Variants in NUBP2 observed in about 807,000 individuals in gnomAD.
NUBP2 encodes the protein NUBP iron-sulfur cluster assembly factor 2, cytosolic.
In NUBP2, 23 loss-of-function variants were observed where a neutral mutation model predicts 24.9. The ratio of observed to expected loss-of-function variants is 0.92; its 90% CI spans 0.66 to 1.31. The LOEUF is 1.31. Ranked by LOEUF, NUBP2 falls within the 50% of genes most tolerant of loss-of-function variation. The pLI is 0.00. For missense variants in NUBP2, 403 were observed against 386.5 expected, an observed-to-expected ratio of 1.04 and a Z score of -0.36; for synonymous variants, 186 against 170.9, an observed-to-expected ratio of 1.09 and a Z score of -0.69.
chr16:1,787,615 G>A, intron 3 of NUBP2, 62 bp from the exon 4 acceptor site: 2 of 1,583,034 alleles, frequency 1.3e-6, no homozygotes, highest in Non-Finnish European at 1.7e-6. Flanking sequence ...GTTCTTAGTG[G>A]CGCAGGGCCA....
At position 1,787,702 on chromosome 16, in the gene NUBP2, C is replaced by T. The variant is rs144662267; in HGVS notation, c.360C>T (p.Asp120=). ...CGCTGATAAAGCAGTTTGTGTCCGA[C>T]GTGGCCTGGGGGGAGCTGGACTACC... ...KNALIKQFVS[D]VAWGELDYLV... is the part of the protein sequence containing the mutation. The change falls in exon 4 of 7, where the codon GAC becomes GAT. Residue 120 remains aspartate (D), a synonymous_variant. Transcript: ENST00000262302. 1.4e-5 allele frequency: 22 copies of T among 1,612,544 alleles called. No homozygotes were observed. The highest frequency in any genetic ancestry group is 8.0e-5 in the African/African-American group (6 of 74,930).
Position 1,789,018 on chromosome 16 carries a change from GCGCGGGACTTCTGCAGTC to G in NUBP2, c.*306_*323del. 1 of 394,618 alleles carries G rather than the reference GCGCGGGACTTCTGCAGTC, an allele frequency of 2.5e-6. No individual in the cohort carries two copies. The highest frequency in any genetic ancestry group is 4.6e-6 in the Non-Finnish European group (1 of 218,276). 24.4% of individuals were successfully genotyped at this position (394,618 alleles called of 1,614,324 possible). On this transcript the variant is annotated 3_prime_UTR_variant, in exon 7 of 7. Transcript: ENST00000262302. ...GCCGCGTGTCCACACAGTTAGCGGA[GCGCGGGACTTCTGCAGTC>G]CTCAGGTGACCCCGGGCCTCCAGCA...
chr16:1,784,237 G>T (rs1488935180), intron 1 of NUBP2, among the ~76,000 whole-genome samples: 1 of 151,852 alleles, frequency 6.6e-6, no homozygotes, highest in African/African-American at 2.4e-5. Flanking sequence ...ACCACAGGAT[G>T]CACCACCCCG....
rs937690636 is a variant in NUBP2, at chr16:1,788,312, G to A, written c.670+105G>A. 5.4e-5 allele frequency: 65 copies of A among 1,207,208 alleles called. No homozygotes were observed. In the South Asian group the frequency reaches 5.9e-4, roughly 11 times the overall value. The allele number at this position is 1,207,208 out of a possible 1,614,324, so 74.8% of individuals were successfully genotyped here. ...AGTGCCCAAGGGAGAGGAGGGGACG[G>A]GAGCGGTTTCCTCCTCTCTTCTCGG... On this transcript the variant is annotated intron_variant, in intron 6 of 6. Coordinates refer to ENST00000262302, the MANE Select transcript of NUBP2 (RefSeq NM_012225.4).
chr16:1,788,924 T>C lies in NUBP2; in HGVS notation c.*210T>C. 3.3e-6 allele frequency: 2 copies of C among 607,332 alleles called. No homozygotes were observed. Among genetic ancestry groups the C allele is most frequent in the East Asian group, 3.0e-5 (1 of 32,798 alleles). The allele number at this position is 607,332 out of a possible 1,614,324, so 37.6% of individuals were successfully genotyped here. A position where few individuals can be genotyped will look rare whatever the true frequency, so the allele number is the denominator to read the frequency against. ...GCCTGCAGTGCCGTGGTCTGCGTGC[T>C]CTGCAGCTGTGAGACGGGGGCGGCC... On this transcript the variant is annotated 3_prime_UTR_variant, in exon 7 of 7. Coordinates refer to ENST00000262302, the MANE Select transcript of NUBP2 (RefSeq NM_012225.4).
rs1041256350 is a variant in NUBP2, at chr16:1,786,806, T to C, written c.185T>C (p.Leu62Pro). Residue 62 changes from leucine (L) to proline (P), a missense_variant, in exon 3 of 7, where the codon CTC becomes CCC. Coordinates refer to ENST00000262302, the MANE Select transcript of NUBP2 (RefSeq NM_012225.4). ...DLCGPSIPRM[L>P]GAQGRAVHQC... is the part of the protein sequence containing the mutation. ...TGTGGCCCCAGTATCCCCCGCATGC[T>C]CGGGGCGCAGGGCAGGGCTGTGCAC... 1.2e-6 allele frequency: 2 copies of C among 1,609,924 alleles called. No individual in the cohort carries two copies. The highest frequency in any genetic ancestry group is 1.7e-6 in the Non-Finnish European group (2 of 1,178,140).
chr16:1,785,883 G>T, intron 1 of NUBP2: 1 of 1,288,430 alleles, frequency 7.8e-7, no homozygotes, highest in Non-Finnish European at 1.0e-6. Context: ...AAGGGGCATG[G>T]CCTCAGCGGT....
At position 1,783,004 on chromosome 16, in the gene NUBP2, C is replaced by G. The variant is rs964431170; in HGVS notation, c.-17C>G. On this transcript the variant is annotated 5_prime_UTR_variant, in exon 1 of 7. Transcript: ENST00000262302. ...GGCGTAAGCGGACTGCAGCCGCGAG[C>G]TCCTGGAGGCGGCGGGATGGAGGCG... 1 of 1,395,704 alleles carries G rather than the reference C, an allele frequency of 7.2e-7. No individual in the cohort carries two copies. The highest frequency in any genetic ancestry group is 9.3e-7 in the Non-Finnish European group (1 of 1,070,898). The allele number at this position is 1,395,704 out of a possible 1,614,324, so 86.5% of individuals were successfully genotyped here.
At chr16:1,786,376 G>A (rs1212850565) in intron 1 of NUBP2, 161 bp from the exon 2 acceptor site, 4 of 689,456 alleles carry the variant, frequency 5.8e-6, no homozygotes. Context: ...CTGCCTGGAG[G>A]TCTTTACATC....
In NUBP2 at chr16:1,788,437, C is replaced by A. The variant is rs1325844009; in HGVS notation, c.671-132C>A. ...CCAGCCTGCTGGGAGGGCCGCGGGT[C>A]TGGAGGTGGAAATCGTCTGGCAGCG... is the stretch of plus-strand genomic sequence containing the variant. On this transcript the variant is annotated intron_variant, in intron 6 of 6. Transcript: ENST00000262302. 1.0e-5 allele frequency: 14 copies of A among 1,346,920 alleles called. No individual in the cohort carries two copies. In the African/African-American group the frequency reaches 1.6e-4, roughly 16 times the overall value. 83.4% of individuals were successfully genotyped at this position (1,346,920 alleles called of 1,614,324 possible).
intron 1 of NUBP2, among the ~76,000 whole-genome samples, chr16:1,784,217 A>C (rs1267224266): frequency 6.6e-6 from 1 of 151,316 alleles, no homozygotes; most frequent in Non-Finnish European, 1.5e-5. Context: ...CAGCCTCCTG[A>C]GCACCTGGGA....
intron 1 of NUBP2, chr16:1,784,855 T>G (rs1341772543): frequency 6.7e-6 from 1 of 149,290 alleles, no homozygotes; most frequent in African/African-American, 2.5e-5. Context: ...ATGGCCAACA[T>G]AGAGAAACAG....
At chr16:1,783,301 G>A in intron 1 of NUBP2, 1 of 1,135,208 alleles carries the variant, frequency 8.8e-7, no homozygotes, top group Non-Finnish European at 1.1e-6. Context: ...ACTTTGTTGA[G>A]CACCGCGTTG....
chr16:1,786,922 G>C lies in NUBP2; in HGVS notation c.301G>C (p.Glu101Gln). ...GGGCTTCCTGCTGGAGAAGCCGGAC[G>C]AGGCCGTGGTGTGGAGAGGCCCCAA... is the stretch of plus-strand genomic sequence containing the variant. ...SVGFLLEKPD[E>Q]AVVWRGPKKN... Residue 101 changes from glutamate to glutamine, a missense_variant, in exon 3 of 7, where the codon GAG becomes CAG. Glu to Gln is a conservative substitution (Grantham distance 29). Coordinates refer to ENST00000262302, the MANE Select transcript of NUBP2 (RefSeq NM_012225.4). 1 of 1,538,630 alleles carries C rather than the reference G, an allele frequency of 6.5e-7. No individual in the cohort carries two copies. Among genetic ancestry groups the C allele is most frequent in the Non-Finnish European group, 8.8e-7 (1 of 1,138,336 alleles).
chr16:1,787,666 C>G lies in NUBP2; in HGVS notation c.335-11C>G. On this transcript the variant is annotated splice_polypyrimidine_tract_variant and intron_variant, in intron 3 of 6. Coordinates refer to ENST00000262302, the MANE Select transcript of NUBP2 (RefSeq NM_012225.4). ...CCTGCCCTGACCGCCCCGTCTGCCC[C>G]GTCTTTGCAGCGCTGATAAAGCAGT... The G allele has an allele frequency of 1.9e-6, 3 of 1,611,384 alleles. No individual in the cohort carries two copies. The highest frequency in any genetic ancestry group is 1.7e-6 in the Non-Finnish European group (2 of 1,179,264).
Position 1,786,869 on chromosome 16 carries a change from G to A in NUBP2, c.248G>A (p.Arg83Gln), listed in dbSNP as rs201073739. The change falls in exon 3 of 7, where the codon CGG (arginine) becomes CAG (glutamine). Residue 83 changes from arginine (R) to glutamine (Q), a missense_variant. Coordinates refer to ENST00000262302, the MANE Select transcript of NUBP2 (RefSeq NM_012225.4). ...DRGWAPVFLDREQSISLMSVG... is the reference protein window; with the variant it reads ...DRGWAPVFLDQEQSISLMSVG... ...GGCTGGGCACCCGTCTTCCTGGACCGGGAGCAGAGCATCTCGCTCATGTCT... is the reference window on the plus strand; with the variant it reads ...GGCTGGGCACCCGTCTTCCTGGACCAGGAGCAGAGCATCTCGCTCATGTCT... The A allele has an allele frequency of 3.0e-5, 48 of 1,589,188 alleles. No homozygotes were observed. Among genetic ancestry groups the A allele is most frequent in the Middle Eastern group, 1.7e-4 (1 of 5,982 alleles).
At position 1,783,006 on chromosome 16, in the gene NUBP2, C is replaced by T. The variant is rs962025336; in HGVS notation, c.-15C>T. On this transcript the variant is annotated 5_prime_UTR_variant, in exon 1 of 7. Transcript: ENST00000262302. ...CGTAAGCGGACTGCAGCCGCGAGCTCCTGGAGGCGGCGGGATGGAGGCGGC... is the reference window on the plus strand; with the variant it reads ...CGTAAGCGGACTGCAGCCGCGAGCTTCTGGAGGCGGCGGGATGGAGGCGGC... 13 of 1,395,122 alleles carry T rather than the reference C, an allele frequency of 9.3e-6. No individual in the cohort carries two copies. The African/African-American group carries it at 1.2e-4, about 13-fold the overall frequency. The allele number at this position is 1,395,122 out of a possible 1,614,324, so 86.4% of individuals were successfully genotyped here.
At position 1,782,995 on chromosome 16, in the gene NUBP2, A is replaced by G. The variant is rs1346747184; in HGVS notation, c.-26A>G. On this transcript the variant is annotated 5_prime_UTR_variant, in exon 1 of 7. Coordinates refer to ENST00000262302, the MANE Select transcript of NUBP2 (RefSeq NM_012225.4). Reference sequence around the variant, plus strand: ...CGGCCCGCGGGCGTAAGCGGACTGCAGCCGCGAGCTCCTGGAGGCGGCGGG... The same window carrying G: ...CGGCCCGCGGGCGTAAGCGGACTGCGGCCGCGAGCTCCTGGAGGCGGCGGG... The G allele has an allele frequency of 1.0e-5, 14 of 1,400,318 alleles. No individual in the cohort carries two copies. The highest frequency in any genetic ancestry group is 1.3e-5 in the Non-Finnish European group (14 of 1,073,640). 86.7% of individuals were successfully genotyped at this position (1,400,318 alleles called of 1,614,324 possible).
At chr16:1,784,176 G>A in intron 1 of NUBP2, 1 of 358,218 alleles carries the variant, frequency 2.8e-6, no homozygotes, top group Non-Finnish European at 3.9e-6. Flanking sequence ...CTGCAGCCTT[G>A]ACCTCCTGGG....
Sources: allele counts gnomAD v4.1 joint callset (sites outside exome capture counted in the v4.1 genomes callset), GRCh38; gene constraint gnomAD v4.1.1; transcripts MANE v1.5; gene names NCBI Gene and HGNC (gene_info 2026-07-23, HGNC 2026-07-21).